The following GALNT18 variants were observed in gnomAD, a reference collection of about 807,000 sequenced individuals.
GALNT18 encodes the protein polypeptide N-acetylgalactosaminyltransferase 18, also known as GalNAc-transferase 18.
GALNT18 carries 44 observed loss-of-function variants against 69.5 expected under a neutral mutation model. The ratio of observed to expected loss-of-function variants is 0.63; its 90% CI spans 0.50 to 0.81. GALNT18 has a LOEUF of 0.81. Among genes scored for constraint, GALNT18 ranks in the 40% least tolerant of loss-of-function variants. GALNT18 has a pLI of 0.00. For missense variants in GALNT18, 715 were observed against 810.0 expected (o/e 0.88, Z 1.42); for synonymous variants, 364 against 318.2 (o/e 1.14, Z -1.53).
intron 3 of GALNT18, among the ~76,000 whole-genome samples, chr11:11,401,041 G>A (rs1321646701): frequency 1.3e-5 from 2 of 152,136 alleles, no homozygotes; most frequent in African/African-American, 4.8e-5. Context: ...GGACACAGGA[G>A]GGCAGTAGTG....
Position 11,590,889 on chromosome 11 carries a change from T to C in GALNT18, c.235+30470A>G, listed in dbSNP as rs1013918905. On this transcript the variant is annotated intron_variant, in intron 1 of 10. Coordinates refer to ENST00000227756, the MANE Select transcript of GALNT18 (RefSeq NM_198516.3). This position sits in a 1 kb window ranked among gnomAD's most constrained non-coding sequence, Gnocchi z 4.4. ...ACATACAATTATGTACAGTACATAATCATTGATAATGATGATCAACAACTA... is the reference window on the plus strand; with the variant it reads ...ACATACAATTATGTACAGTACATAACCATTGATAATGATGATCAACAACTA... Among the ~76,000 whole-genome samples, 6 of 152,062 alleles carry C rather than the reference T, an allele frequency of 3.9e-5. No individual in the cohort carries two copies. Among genetic ancestry groups the C allele is most frequent in the African/African-American group, 1.4e-4 (6 of 41,450 alleles).
At chr11:11,360,652 A>T (rs1850624988) in intron 6 of GALNT18, among the ~76,000 whole-genome samples, 1 of 150,162 alleles carries the variant, frequency 6.7e-6, no homozygotes, top group Non-Finnish European at 1.5e-5. Flanking sequence ...CCTCCATCAC[A>T]GGGTTTTTCT....
intron 1 of GALNT18, among the ~76,000 whole-genome samples, chr11:11,539,227 C>T (rs1857853491): frequency 6.6e-6 from 1 of 152,186 alleles, no homozygotes; most frequent in African/African-American, 2.4e-5. Flanking sequence ...GGCGCCCTTC[C>T]CAGCACCCAC....
chr11:11,277,336 C>T (rs1021649625), intron 10 of GALNT18, among the ~76,000 whole-genome samples: 23 of 152,176 alleles, frequency 1.5e-4, no homozygotes. Flanking sequence ...GTTTGTATTT[C>T]TGTGGGATCA....
At chr11:11,307,144 G>A (rs1679999794) in intron 9 of GALNT18, among the ~76,000 whole-genome samples, 1 of 147,770 alleles carries the variant, frequency 6.8e-6, no homozygotes, top group Admixed American at 7.0e-5. Flanking sequence ...GGCCAGTCTA[G>A]CCTAGCCCAA....
chr11:11,567,079 C>G (rs958893609), intron 1 of GALNT18, among the ~76,000 whole-genome samples: 1 of 152,152 alleles, frequency 6.6e-6, no homozygotes, highest in Non-Finnish European at 1.5e-5. Flanking sequence ...GAAGAACAAG[C>G]AGCCAGCCAG....
intron 1 of GALNT18, among the ~76,000 whole-genome samples, chr11:11,553,932 C>T (rs1227751843): frequency 3.3e-5 from 5 of 152,286 alleles, no homozygotes; most frequent in Admixed American, 6.5e-5. Flanking sequence ...ACAGAGGACA[C>T]GAGCGGCTCG....
Position 11,340,896 on chromosome 11 carries a change from T to C in GALNT18, c.1201A>G (p.Asn401Asp). Residue 401 changes from asparagine to aspartate, a missense_variant, in exon 7 of 11, where the codon AAC becomes GAC. By Grantham distance (23) the Asn-to-Asp change is conservative. Coordinates refer to ENST00000227756, the MANE Select transcript of GALNT18 (RefSeq NM_198516.3). The surrounding 1 kb of genome is among the most constrained non-coding windows in gnomAD (Gnocchi z 4.2). Reference protein sequence around the residue: ...TEDLTAHVRRNALRVAEVWMD... With the variant: ...TEDLTAHVRRDALRVAEVWMD... ...CAGACTTCAGCCACCCTGAGAGCGT[T>C]CCTGCGGACATGGGCGGTGAGGTCC... 6 of 1,614,110 alleles carry C rather than the reference T, an allele frequency of 3.7e-6. No homozygotes were observed. Among genetic ancestry groups the C allele is most frequent in the Non-Finnish European group, 5.1e-6 (6 of 1,179,986 alleles).
At chr11:11,431,861 A>C (rs1855271404) in intron 3 of GALNT18, among the ~76,000 whole-genome samples, 1 of 152,312 alleles carries the variant, frequency 6.6e-6, no homozygotes, top group Non-Finnish European at 1.5e-5. Flanking sequence ...CATTCATATA[A>C]ATGGTCCTAT....
intron 1 of GALNT18, among the ~76,000 whole-genome samples, chr11:11,529,223 A>G (rs1257388403): frequency 6.6e-6 from 1 of 152,184 alleles, no homozygotes; most frequent in Admixed American, 6.5e-5. Flanking sequence ...TATTTGGCCA[A>G]ACATTATTCT....
rs1048892691 is a variant in GALNT18 at position 11,396,345 on chromosome 11, G to A, written c.596-17081C>T. The stretch of plus-strand genomic sequence containing the variant: ...CATTTCGAGAGGTGAGGAAGAGAGA[G>A]TTTGCTTAGAGATTAAATGATGTCA... On this transcript the variant is annotated intron_variant, in intron 3 of 10. Transcript: ENST00000227756. The surrounding 1 kb of genome is among the most constrained non-coding windows in gnomAD (Gnocchi z 5.2). Among the ~76,000 whole-genome samples the A allele has an allele frequency of 7.2e-5, 11 of 152,318 alleles. No homozygotes were observed. The highest frequency in any genetic ancestry group is 2.6e-4 in the African/African-American group (11 of 41,572).
At chr11:11,450,506 A>G (rs60725997) in intron 1 of GALNT18, among the ~76,000 whole-genome samples, 7,532 of 152,296 alleles carry the variant, frequency 0.049, 633 homozygotes, top group African/African-American at 0.17. Flanking sequence ...GAGGCTATCA[A>G]GAGTAGAAGG....
chr11:11,449,339 C>T (rs1451149824), intron 1 of GALNT18, among the ~76,000 whole-genome samples: 3 of 152,218 alleles, frequency 2.0e-5, no homozygotes, highest in Non-Finnish European at 4.4e-5. Context: ...TTCCCAAGCC[C>T]ACCCCACATT....
intron 1 of GALNT18, among the ~76,000 whole-genome samples, chr11:11,524,524 T>C (rs1334395164): frequency 6.6e-6 from 1 of 152,208 alleles, no homozygotes; most frequent in African/African-American, 2.4e-5. Context: ...CCATTGCATA[T>C]GGAGGCTCTC....
chr11:11,526,561 T>G (rs1857530830), intron 1 of GALNT18, among the ~76,000 whole-genome samples: 1 of 152,186 alleles, frequency 6.6e-6, no homozygotes, highest in African/African-American at 2.4e-5. Context: ...AGGGGAGAGC[T>G]GGTTATATTG....
intron 1 of GALNT18, among the ~76,000 whole-genome samples, chr11:11,462,841 C>T (rs1163656599): frequency 6.6e-6 from 1 of 152,162 alleles, no homozygotes; most frequent in Admixed American, 6.5e-5. Flanking sequence ...CTGCTCAGTG[C>T]TCCCTCCACC....
At position 11,309,183 on chromosome 11, in the gene GALNT18, C is replaced by T. The variant is rs527788479; in HGVS notation, c.1513-15990G>A. On this transcript the variant is annotated intron_variant, in intron 9 of 10. Transcript: ENST00000227756. The surrounding 1 kb of genome is among the most constrained non-coding windows in gnomAD (Gnocchi z 4.6). Reference sequence around the variant, plus strand: ...GTCCCCTCTCTAGCCCTTCTTTCTACACTTCCACCATGGGATGACACCACA... The same window carrying T: ...GTCCCCTCTCTAGCCCTTCTTTCTATACTTCCACCATGGGATGACACCACA... Among the ~76,000 whole-genome samples, 13 of 152,322 alleles carry T rather than the reference C, an allele frequency of 8.5e-5. No homozygotes were observed. In the East Asian group the frequency reaches 1.4e-3, roughly 16 times the overall value.
chr11:11,467,816 T>C (rs1333198907), intron 1 of GALNT18, among the ~76,000 whole-genome samples: 1 of 152,142 alleles, frequency 6.6e-6, no homozygotes, highest in African/African-American at 2.4e-5. Context: ...ACTCTCCAGG[T>C]GATTCCAATA....
chr11:11,519,722 C>T (rs1417145812), intron 1 of GALNT18, among the ~76,000 whole-genome samples: 2 of 152,206 alleles, frequency 1.3e-5, no homozygotes, highest in Non-Finnish European at 2.9e-5. Context: ...CTGTCTCAGC[C>T]CCATCTCGCC....
Sources: gnomAD v4.1 joint callset for allele counts (sites outside exome capture counted in the v4.1 genomes callset) on GRCh38, gnomAD v4.1.1 for gene constraint, Gnocchi (gnomAD v3.1) non-coding constraint, MANE v1.5 for transcripts, NCBI Gene and HGNC (gene_info 2026-07-23, HGNC 2026-07-21) for gene names.